Variants in NCKAP5 observed in about 807,000 individuals in gnomAD.
NCKAP5 encodes the protein NCK associated protein 5.
In NCKAP5, 92 loss-of-function variants were observed where a neutral mutation model predicts 167.0. That is an observed-to-expected ratio of 0.55 (90% CI 0.47 to 0.66). NCKAP5 has a LOEUF of 0.66. Ranked by LOEUF, NCKAP5 falls within the 30% of genes least tolerant of loss-of-function variation. The probability of loss-of-function intolerance (pLI) is 0.00; values close to 1 mark genes in which losing one functional copy is unlikely to be tolerated. For missense variants in NCKAP5, 2,378 were observed against 2,315.0 expected, an observed-to-expected ratio of 1.03 and a Z score of -0.56; for synonymous variants, 891 against 877.4, an observed-to-expected ratio of 1.02 and a Z score of -0.27.
At chr2:133,185,384 T>G (rs1027684985) in intron 5 of NCKAP5, among the ~76,000 whole-genome samples, 1 of 152,150 alleles carries the variant, frequency 6.6e-6, no homozygotes, top group South Asian at 2.1e-4. Flanking sequence ...TAGTTTGAAG[T>G]TGGGTAATGT....
intron 4 of NCKAP5, among the ~76,000 whole-genome samples, chr2:133,294,796 G>A (rs187955284): frequency 2.2e-3 from 342 of 152,268 alleles, no homozygotes; most frequent in African/African-American, 7.7e-3. Context: ...AGAATCACAT[G>A]CAAGCCAGAA....
intron 3 of NCKAP5, among the ~76,000 whole-genome samples, chr2:133,486,474 T>A (rs1289903294): frequency 6.6e-6 from 1 of 152,202 alleles, no homozygotes; most frequent in African/African-American, 2.4e-5. Flanking sequence ...TGACAAGCAC[T>A]TGTTCCATCA....
chr2:133,396,734 A>G (rs544569607), intron 3 of NCKAP5, among the ~76,000 whole-genome samples: 2 of 152,268 alleles, frequency 1.3e-5, no homozygotes, highest in East Asian at 3.9e-4. Context: ...AAACAACATC[A>G]TATTCTGAGG....
chr2:133,195,613 C>T (rs975735555), intron 5 of NCKAP5, among the ~76,000 whole-genome samples: 1 of 152,032 alleles, frequency 6.6e-6, no homozygotes, highest in African/African-American at 2.4e-5. Context: ...GTGTAGAAAT[C>T]AAGATAATTA....
chr2:133,324,391 T>C (rs2150689425), intron 3 of NCKAP5, among the ~76,000 whole-genome samples: 1 of 152,380 alleles, frequency 6.6e-6, no homozygotes, highest in South Asian at 2.1e-4. Flanking sequence ...ATATTTTAAA[T>C]GATTTTTGTT....
chr2:132,805,950 T>G (rs1685399647), intron 11 of NCKAP5, among the ~76,000 whole-genome samples: 1 of 152,070 alleles, frequency 6.6e-6, no homozygotes, highest in Non-Finnish European at 1.5e-5. Flanking sequence ...TGCCAGGTCT[T>G]CAAACTCCAT....
intron 5 of NCKAP5, among the ~76,000 whole-genome samples, chr2:133,154,353 T>C (rs1375224908): frequency 1.3e-5 from 2 of 152,208 alleles, no homozygotes; most frequent in Non-Finnish European, 2.9e-5. Flanking sequence ...TGAGGGACCA[T>C]GTCTTAAAGC....
At chr2:132,962,737 CGT>C (rs1558994576) in intron 8 of NCKAP5, among the ~76,000 whole-genome samples, 1 of 152,088 alleles carries the variant, frequency 6.6e-6, no homozygotes, top group East Asian at 1.9e-4. Context: ...ACTACAGGCA[CGT>C]GCCACCACGC....
intron 6 of NCKAP5, among the ~76,000 whole-genome samples, chr2:133,121,554 G>A (rs549018226): frequency 6.6e-6 from 1 of 152,270 alleles, no homozygotes; most frequent in South Asian, 2.1e-4. Flanking sequence ...TTTATTTTGT[G>A]TGGCTTCCTT....
Position 133,517,575 on chromosome 2 carries a change from G to C in NCKAP5, c.-49C>G. 1.6e-6 allele frequency: 2 copies of C among 1,261,558 alleles called. No individual in the cohort carries two copies. The highest frequency in any genetic ancestry group is 1.5e-5 in the South Asian group (1 of 66,184). The allele number at this position is 1,261,558 out of a possible 1,614,324, so 78.1% of individuals were successfully genotyped here. The stretch of plus-strand genomic sequence containing the variant: ...TGTGACTTATAAGAATCCCCCGTCT[G>C]TTTCCAGGGTCACTGAAAAGAGTGA... On this transcript the variant is annotated 5_prime_UTR_variant, in exon 3 of 20. Transcript: ENST00000409261.
At chr2:133,384,308 T>C (rs1164460029) in intron 3 of NCKAP5, among the ~76,000 whole-genome samples, 5 of 152,232 alleles carry the variant, frequency 3.3e-5, no homozygotes, top group Non-Finnish European at 2.9e-5. Context: ...ATTTATTAAA[T>C]AGGGAATCCT....
chr2:133,165,870 C>G (rs1191538265), intron 5 of NCKAP5, among the ~76,000 whole-genome samples: 4 of 152,200 alleles, frequency 2.6e-5, no homozygotes, highest in Non-Finnish European at 5.9e-5. Flanking sequence ...TCATCATCAA[C>G]TTCTCAGATC....
At chr2:132,943,047 T>G in intron 8 of NCKAP5, among the ~76,000 whole-genome samples, 1 of 152,204 alleles carries the variant, frequency 6.6e-6, no homozygotes, top group East Asian at 1.9e-4. Context: ...CCAATCCACT[T>G]CATTCAAGTA....
intron 8 of NCKAP5, among the ~76,000 whole-genome samples, chr2:132,890,162 C>T (rs1246784956): frequency 6.6e-6 from 1 of 152,064 alleles, no homozygotes; most frequent in African/African-American, 2.4e-5. Context: ...TGGTTTGGCC[C>T]CATAGGTAAG....
chr2:133,197,864 C>T (rs10189683), intron 5 of NCKAP5, among the ~76,000 whole-genome samples: 8,360 of 152,074 alleles, frequency 0.055, 309 homozygotes, highest in African/African-American at 0.097. Flanking sequence ...GCAGGGGAAT[C>T]GCTTGAATCC....
intron 5 of NCKAP5, among the ~76,000 whole-genome samples, chr2:133,141,637 A>G (rs543658789): frequency 6.6e-6 from 1 of 152,352 alleles, no homozygotes; most frequent in South Asian, 2.1e-4. Flanking sequence ...GGAGGACCTC[A>G]GTAATGATTA....
chr2:132,671,992 A>G lies in NCKAP5; in HGVS notation c.*1297T>C, dbSNP rs1335517894. ...TAAAGTAGCCATATAGATCCTAAAA[A>G]TATTTCTATTGGGCCTAGTTTACAA... On this transcript the variant is annotated 3_prime_UTR_variant, in exon 20 of 20. Coordinates refer to ENST00000409261, the MANE Select transcript of NCKAP5 (RefSeq NM_207363.3). 6.5e-6 allele frequency: 1 copy of G among 152,672 alleles called. No homozygotes were observed. Among genetic ancestry groups the G allele is most frequent in the East Asian group, 1.9e-4 (1 of 5,202 alleles). The allele number at this position is 152,672 out of a possible 1,614,324, so 9.5% of individuals were successfully genotyped here. A position where few individuals can be genotyped will look rare whatever the true frequency, so the allele number is the denominator to read the frequency against.
chr2:132,860,464 A>G, intron 11 of NCKAP5, 28 bp downstream of exon 11: 1 of 1,552,796 alleles, frequency 6.4e-7, no homozygotes, highest in Non-Finnish European at 8.7e-7. Context: ...TTTCAGTAGC[A>G]AAGATTGTTT....
chr2:132,809,637 T>C, intron 11 of NCKAP5, among the ~76,000 whole-genome samples: 1 of 152,178 alleles, frequency 6.6e-6, no homozygotes, highest in Non-Finnish European at 1.5e-5. Context: ...TCCATCCCTT[T>C]AAGTTTATGT....
Sources: gnomAD v4.1 joint callset for allele counts (sites outside exome capture counted in the v4.1 genomes callset) on GRCh38, gnomAD v4.1.1 for gene constraint, MANE v1.5 for transcripts, NCBI Gene and HGNC (gene_info 2026-07-23, HGNC 2026-07-21) for gene names.